The following ABCB9 variants were observed in gnomAD, a reference collection of about 807,000 sequenced individuals.
ABCB9 encodes the protein ABC-type oligopeptide transporter ABCB9.
Under a neutral mutation model 62.0 loss-of-function variants are expected in ABCB9, and 36 were observed. The ratio of observed to expected loss-of-function variants is 0.58; its 90% confidence interval spans 0.45 to 0.77. The LOEUF (loss-of-function observed/expected upper bound fraction) is 0.77. ABCB9 is among the 30% of genes least tolerant of loss of function. The probability of loss-of-function intolerance (pLI) is 0.00; values close to 1 mark genes in which losing one functional copy is unlikely to be tolerated. For missense variants in ABCB9, 943 were observed against 1,054.7 expected, an observed-to-expected ratio of 0.89 and a Z score of 1.47; for synonymous variants, 435 against 461.4, an observed-to-expected ratio of 0.94 and a Z score of 0.73.
chr12:122,946,132 C>T lies in ABCB9; in HGVS notation c.1144G>A (p.Ala382Thr), dbSNP rs751408819. 1.1e-5 allele frequency: 18 copies of T among 1,614,128 alleles called. No homozygotes were observed. The highest frequency in any genetic ancestry group is 2.7e-5 in the African/African-American group (2 of 75,022). The change falls in exon 6 of 12, where the codon GCC (alanine) becomes ACC (threonine). Residue 382 changes from alanine to threonine, a missense_variant. Transcript: ENST00000280560. The part of the protein sequence containing the change: ...ISAMKTVRSF[A>T]NEEEEAEVYL... ...ACCTCTGCCTCCTCCTCCTCATTGG[C>T]GAAGCTCCGGACAGTCTTCATGGCA... is the stretch of plus-strand genomic sequence containing the variant.
upstream of ABCB9, among the ~76,000 whole-genome samples, chr12:122,968,220 A>G (rs573033083): frequency 6.8e-4 from 104 of 152,374 alleles, 1 homozygote; most frequent in South Asian, 3.7e-3. Flanking sequence ...CTTGAAGACG[A>G]TATCTTGGAT....
chr12:122,928,595 C>T (rs968621158), downstream of ABCB9, among the ~76,000 whole-genome samples: 1 of 152,124 alleles, frequency 6.6e-6, no homozygotes, highest in African/African-American at 2.4e-5. Flanking sequence ...TGTGTCCGGG[C>T]CCAAACCTCC....
At position 122,959,825 on chromosome 12, in the gene ABCB9, C is replaced by T. The variant is rs1178067734; in HGVS notation, c.411G>A (p.Leu137=). 6.2e-7 allele frequency: 1 copy of T among 1,612,956 alleles called. No individual in the cohort carries two copies. The highest frequency in any genetic ancestry group is 1.1e-5 in the South Asian group (1 of 91,076). The change falls in exon 2 of 12, where the codon CTG becomes CTA. Residue 137 remains leucine (L), a synonymous_variant. Coordinates refer to ENST00000280560, the MANE Select transcript of ABCB9 (RefSeq NM_019625.4). The surrounding 1 kb of genome is among the most constrained non-coding windows in gnomAD (Gnocchi z 5.4). ...LGASFLLWWL[L]STVRPGTQAL... ...CCTGGGTGCCTGGCCGCACGGTGGA[C>T]AGCAGCCACCAGAGCAGGAAGGATG... is the stretch of plus-strand genomic sequence containing the variant.
At chr12:122,963,946 T>G (rs1267153220) in intron 1 of ABCB9, among the ~76,000 whole-genome samples, 4 of 152,144 alleles carry the variant, frequency 2.6e-5, no homozygotes, top group African/African-American at 4.8e-5. Context: ...CCACGCAGGC[T>G]CCTGTCTGCT....
At chr12:122,926,626 T>C (rs1305591798), downstream of ABCB9, among the ~76,000 whole-genome samples, 1 of 151,384 alleles carries the variant, frequency 6.6e-6, no homozygotes, top group Non-Finnish European at 1.5e-5. Flanking sequence ...TGGTGGCTCA[T>C]GCCTATAAGC....
chr12:122,929,066 T>C lies in ABCB9; in HGVS notation c.*845A>G, dbSNP rs918698184. ...TGCAACCTCTGGCAAAGCCAGATCC[T>C]GGGCTTTGCCACCATCCCATCCACC... is the stretch of plus-strand genomic sequence containing the variant. On this transcript the variant is annotated 3_prime_UTR_variant, in exon 12 of 12. Coordinates refer to ENST00000280560, the MANE Select transcript of ABCB9 (RefSeq NM_019625.4). This position sits in a 1 kb window ranked among gnomAD's most constrained non-coding sequence, Gnocchi z 6.0. 31 of 985,294 alleles carry C rather than the reference T, an allele frequency of 3.1e-5. No homozygotes were observed. The highest frequency in any genetic ancestry group is 1.0e-3 in the Middle Eastern group (2 of 1,916). The allele number at this position is 985,294 out of a possible 1,614,324, so 61.0% of individuals were successfully genotyped here. A position where few individuals can be genotyped will look rare whatever the true frequency, so the allele number is the denominator to read the frequency against.
intron 1 of ABCB9, among the ~76,000 whole-genome samples, chr12:122,961,978 C>A (rs1210642234): frequency 6.6e-6 from 1 of 152,216 alleles, no homozygotes; most frequent in Non-Finnish European, 1.5e-5. Context: ...CTATTTTGGT[C>A]TAAGAGGGAA....
chr12:122,941,071 G>T, intron 7 of ABCB9, 76 bp from the exon 8 acceptor site: 1 of 1,455,290 alleles, frequency 6.9e-7, no homozygotes. Flanking sequence ...TAGAGAGGAG[G>T]CAGGTATAGG....
chr12:122,968,389 G>A (rs1192643791), upstream of ABCB9, among the ~76,000 whole-genome samples: 1 of 152,222 alleles, frequency 6.6e-6, no homozygotes. Flanking sequence ...ATGTGACAAG[G>A]CCAGTGAGGG....
In ABCB9 at chr12:122,930,637, T is replaced by C. The variant is rs947967769; in HGVS notation, c.2041-466A>G. Among the ~76,000 whole-genome samples, 2 of 152,070 alleles carry C rather than the reference T, an allele frequency of 1.3e-5. No homozygotes were observed. The highest frequency in any genetic ancestry group is 2.9e-5 in the Non-Finnish European group (2 of 68,010). On this transcript the variant is annotated intron_variant, in intron 11 of 11. Coordinates refer to ENST00000280560, the MANE Select transcript of ABCB9 (RefSeq NM_019625.4). This position sits in a 1 kb window ranked among gnomAD's most constrained non-coding sequence, Gnocchi z 4.9. ...GTTGGCCAGACTGGTCTCGAACACCTGACTTTGTGATCCGCCTGGCCTCGG... is the reference window on the plus strand; with the variant it reads ...GTTGGCCAGACTGGTCTCGAACACCCGACTTTGTGATCCGCCTGGCCTCGG...
chr12:122,945,949 G>T, intron 6 of ABCB9, 76 bp downstream of exon 6: 3 of 1,347,026 alleles, frequency 2.2e-6, no homozygotes, highest in Non-Finnish European at 3.1e-6. Flanking sequence ...CAGGACTGAT[G>T]TCCTAGATCG....
At position 122,959,636 on chromosome 12, in the gene ABCB9, C is replaced by CGATG; in HGVS notation, c.599_600insCATC (p.Gly201IlefsTer15). On this transcript the variant is annotated frameshift_variant and splice_region_variant, in exon 2 of 12. Coordinates refer to ENST00000280560, the MANE Select transcript of ABCB9 (RefSeq NM_019625.4). LOFTEE classifies it high-confidence loss of function. This position sits in a 1 kb window ranked among gnomAD's most constrained non-coding sequence, Gnocchi z 5.4. The stretch of plus-strand genomic sequence containing the variant: ...CATGTCCCCGAGGTCCTTACTTACC[C>CGATG]AGAGCTGCCACGATGAGGAAGAAGG... 6.4e-7 allele frequency: 1 copy of CGATG among 1,551,256 alleles called. No individual in the cohort carries two copies. Among genetic ancestry groups the CGATG allele is most frequent in the Non-Finnish European group, 8.7e-7 (1 of 1,145,546 alleles).
chr12:122,940,669 G>T lies in ABCB9; in HGVS notation c.1569+138C>A. The T allele has an allele frequency of 9.3e-7, 1 of 1,075,574 alleles. No homozygotes were observed. The highest frequency in any genetic ancestry group is 1.3e-6 in the Non-Finnish European group (1 of 773,338). The allele number at this position is 1,075,574 out of a possible 1,614,324, so 66.6% of individuals were successfully genotyped here. The stretch of plus-strand genomic sequence containing the variant: ...GTTAAGTATCTGTCTTCCCCAACTG[G>T]AGCCCAAAACTCCTGGAGGGCAATG... On this transcript the variant is annotated intron_variant, in intron 8 of 11. Coordinates refer to ENST00000280560, the MANE Select transcript of ABCB9 (RefSeq NM_019625.4). This position sits in a 1 kb window ranked among gnomAD's most constrained non-coding sequence, Gnocchi z 4.8.
Position 122,940,666 on chromosome 12 carries a change from C to T in ABCB9, c.1569+141G>A. The T allele has an allele frequency of 9.4e-7, 1 of 1,059,030 alleles. No homozygotes were observed. Among genetic ancestry groups the T allele is most frequent in the Non-Finnish European group, 1.3e-6 (1 of 757,182 alleles). The allele number at this position is 1,059,030 out of a possible 1,614,324, so 65.6% of individuals were successfully genotyped here. A position where few individuals can be genotyped will look rare whatever the true frequency, so the allele number is the denominator to read the frequency against. On this transcript the variant is annotated intron_variant, in intron 8 of 11. Transcript: ENST00000280560. This position sits in a 1 kb window ranked among gnomAD's most constrained non-coding sequence, Gnocchi z 4.8. ...TCTGTTAAGTATCTGTCTTCCCCAA[C>T]TGGAGCCCAAAACTCCTGGAGGGCA...
At chr12:122,946,587 G>A (rs2036057621) in intron 5 of ABCB9, 4 of 286,350 alleles carry the variant, frequency 1.4e-5, no homozygotes, top group African/African-American at 6.5e-5. Context: ...GGAAGAGCAG[G>A]GGATGCCTTG....
chr12:122,923,221 G>A lies in ABCB9; in HGVS notation c.2041-2178C>T, dbSNP rs559684976. ...AGGCTCAAGCAATCCTCCCGTTTCA[G>A]GCTCCTGAGGAGCTGAAACTACAGG... is the stretch of plus-strand genomic sequence containing the variant. On this transcript the variant is annotated intron_variant, in intron 11 of 11. Transcript: ENST00000344275. Among the ~76,000 whole-genome samples, 5 of 151,860 alleles carry A rather than the reference G, an allele frequency of 3.3e-5. No individual in the cohort carries two copies. In the South Asian group the frequency reaches 6.2e-4, roughly 19 times the overall value.
intron 5 of ABCB9, 80 bp from the exon 6 acceptor site, chr12:122,946,302 T>C (rs984915430): frequency 6.8e-7 from 1 of 1,479,570 alleles, no homozygotes; most frequent in East Asian, 2.3e-5. Context: ...CCTCTCTGGG[T>C]TTTTCCACCC....
At chr12:122,969,060 G>A (rs1346619586), upstream of ABCB9, among the ~76,000 whole-genome samples, 1 of 152,156 alleles carries the variant, frequency 6.6e-6, no homozygotes, top group Non-Finnish European at 1.5e-5. Flanking sequence ...GGGAAGGTAA[G>A]CTGCAATGTC....
chr12:122,933,740 T>C (rs997328816), intron 10 of ABCB9, among the ~76,000 whole-genome samples: 2 of 152,136 alleles, frequency 1.3e-5, no homozygotes, highest in African/African-American at 4.8e-5. Flanking sequence ...ATTTAGTATA[T>C]TTTAATTTAA....
Sources: allele counts gnomAD v4.1 joint callset (sites outside exome capture counted in the v4.1 genomes callset), GRCh38; gene constraint gnomAD v4.1.1; non-coding constraint Gnocchi (gnomAD v3.1); transcripts MANE v1.5; gene names NCBI Gene and HGNC (gene_info 2026-07-23, HGNC 2026-07-21).